FHIP1A: variants seen among roughly 807,000 people sequenced by gnomAD.
FHIP1A encodes the protein FHF complex subunit HOOK-interacting protein 1A.
In FHIP1A, 61 loss-of-function variants were observed where a neutral mutation model predicts 88.6. The observed-to-expected ratio is 0.69, with a 90% CI of 0.56 to 0.85. The LOEUF is 0.85. FHIP1A is among the 40% of genes least tolerant of loss of function. FHIP1A has a pLI of 0.00. For synonymous variants in FHIP1A, 478 were observed against 496.0 expected, an observed-to-expected ratio of 0.96 and a Z score of 0.48; for missense variants, 1,154 against 1,273.5, an observed-to-expected ratio of 0.91 and a Z score of 1.43.
At position 151,545,753 on chromosome 4, in the gene FHIP1A, C is replaced by G. The variant is rs552358862; in HGVS notation, c.-122-20385C>G. ...CCTTAACAAAGAACAAAGGATGTAACTAGTTGATTATAAGAATTATTTTGA... is the reference window on the plus strand; with the variant it reads ...CCTTAACAAAGAACAAAGGATGTAAGTAGTTGATTATAAGAATTATTTTGA... On this transcript the variant is annotated intron_variant, in intron 3 of 13. Transcript: ENST00000435205. Among the ~76,000 whole-genome samples, 10 of 152,040 alleles carry G rather than the reference C, an allele frequency of 6.6e-5. No individual in the cohort carries two copies. In the East Asian group the frequency reaches 1.7e-3, roughly 26 times the overall value.
At chr4:151,636,827 AC>A (rs1736374639) in intron 8 of FHIP1A, among the ~76,000 whole-genome samples, 1 of 152,068 alleles carries the variant, frequency 6.6e-6, no homozygotes, top group South Asian at 2.1e-4. Flanking sequence ...AGATAAGCTG[AC>A]TCTAAAATTC....
At chr4:151,632,859 A>C (rs1736208073) in intron 8 of FHIP1A, among the ~76,000 whole-genome samples, 1 of 152,024 alleles carries the variant, frequency 6.6e-6, no homozygotes, top group Non-Finnish European at 1.5e-5. Context: ...AGCTGTAAAC[A>C]CTTAGGTTAA....
At chr4:151,636,596 AAAG>A (rs1736364346) in intron 8 of FHIP1A, among the ~76,000 whole-genome samples, 1 of 152,064 alleles carries the variant, frequency 6.6e-6, no homozygotes, top group South Asian at 2.1e-4. Flanking sequence ...AATAACATCA[AAAG>A]AATAAAATAT....
chr4:151,649,889 C>T lies in FHIP1A; in HGVS notation c.1848C>T (p.His616=), dbSNP rs551502777. The T allele has an allele frequency of 6.4e-7, 1 of 1,551,636 alleles. No homozygotes were observed. The highest frequency in any genetic ancestry group is 2.4e-5 in the East Asian group (1 of 40,914). The part of the protein sequence containing the change: ...GPPAPIDPPK[H]IQEMKKNALL... The stretch of plus-strand genomic sequence containing the variant: ...CAGCACCCATTGATCCCCCCAAACA[C>T]ATCCAGGAGATGAAGAAGAATGCCC... The change falls in exon 11 of 14, where the codon CAC becomes CAT. Residue 616 remains histidine, a synonymous_variant. Coordinates refer to ENST00000435205, the MANE Select transcript of FHIP1A (RefSeq NM_001109977.3).
chr4:151,439,123 A>G (rs189114815), intron 1 of FHIP1A, among the ~76,000 whole-genome samples: 17 of 152,296 alleles, frequency 1.1e-4, no homozygotes, highest in African/African-American at 3.8e-4. Flanking sequence ...CCACATATAA[A>G]TATGTTTCAA....
intron 9 of FHIP1A, 139 bp from the exon 10 acceptor site, chr4:151,646,419 C>A: frequency 3.4e-6 from 2 of 592,570 alleles, no homozygotes; most frequent in Non-Finnish European, 6.0e-6. Flanking sequence ...ACCCTGGTGG[C>A]TGGTGAGATG....
At position 151,567,267 on chromosome 4, in the gene FHIP1A, T is replaced by G. The variant is rs138317400; in HGVS notation, c.105+903T>G. 8.7e-4 allele frequency among the ~76,000 whole-genome samples: 133 copies of G among 152,210 alleles called. 3 individuals carry two copies. In the Middle Eastern group the frequency reaches 0.02, roughly 23 times the overall value. On this transcript the variant is annotated intron_variant, in intron 4 of 13. Transcript: ENST00000435205. ...TGGTAAGTGGCTATTTATGTGACAG[T>G]TTTTTAATGACTACCCAGTTCCTTC...
rs1737575636 is a variant in FHIP1A at position 151,664,107 on chromosome 4, T to C, written c.*1353T>C. Among the ~76,000 whole-genome samples, 1 of 152,224 alleles carries C rather than the reference T, an allele frequency of 6.6e-6. No homozygotes were observed. The highest frequency in any genetic ancestry group is 2.4e-5 in the African/African-American group (1 of 41,452). ...CTCCCCTCTATTTTGGGCCCAGTTC[T>C]GCAGGTGCGAAGCAAGTAACGAGCT... is the stretch of plus-strand genomic sequence containing the variant. On this transcript the variant is annotated 3_prime_UTR_variant, in exon 14 of 14. Transcript: ENST00000435205.
chr4:151,508,282 G>T (rs116436230), intron 3 of FHIP1A, among the ~76,000 whole-genome samples: 106 of 152,302 alleles, frequency 7.0e-4, no homozygotes, highest in African/African-American at 2.4e-3. Context: ...ATCTGGGAAA[G>T]AACAAAGCAG....
intron 7 of FHIP1A, among the ~76,000 whole-genome samples, chr4:151,612,835 GA>G (rs1735377615): frequency 6.6e-6 from 1 of 152,184 alleles, no homozygotes. Context: ...TTTATTTAAT[GA>G]ATCTGCACAT....
At chr4:151,535,183 T>A (rs191271687) in intron 3 of FHIP1A, among the ~76,000 whole-genome samples, 1 of 152,264 alleles carries the variant, frequency 6.6e-6, no homozygotes, top group African/African-American at 2.4e-5. Context: ...GCCACTGCAC[T>A]CCAGCCTGGG....
At chr4:151,582,287 C>G (rs542107060) in intron 5 of FHIP1A, among the ~76,000 whole-genome samples, 230 of 152,222 alleles carry the variant, frequency 1.5e-3, no homozygotes, top group African/African-American at 5.4e-3. Context: ...TAAAATTAAC[C>G]AGATATCATT....
At chr4:151,533,333 T>C (rs184708870) in intron 3 of FHIP1A, among the ~76,000 whole-genome samples, 51 of 152,112 alleles carry the variant, frequency 3.4e-4, no homozygotes, top group Admixed American at 3.3e-3. Flanking sequence ...GAGGATTGCT[T>C]GAGTCCAGGA....
chr4:151,603,630 A>G (rs1168635745), intron 7 of FHIP1A, among the ~76,000 whole-genome samples: 1 of 152,112 alleles, frequency 6.6e-6, no homozygotes, highest in Non-Finnish European at 1.5e-5. Context: ...GCTTCCTCAA[A>G]CTTAAAATGT....
At chr4:151,438,551 A>G (rs1043816866) in intron 1 of FHIP1A, among the ~76,000 whole-genome samples, 3 of 151,670 alleles carry the variant, frequency 2.0e-5, no homozygotes, top group Non-Finnish European at 4.4e-5. Flanking sequence ...CTACCTCACC[A>G]GAATTATTTA....
In FHIP1A at chr4:151,511,371, G is replaced by A. The variant is rs112271132; in HGVS notation, c.-123+28723G>A. Among the ~76,000 whole-genome samples, 1,213 of 152,318 alleles carry A rather than the reference G, an allele frequency of 8.0e-3. 17 individuals are homozygous for A. The highest frequency in any genetic ancestry group is 0.064 in the East Asian group (334 of 5,188). On this transcript the variant is annotated intron_variant, in intron 3 of 13. Coordinates refer to ENST00000435205, the MANE Select transcript of FHIP1A (RefSeq NM_001109977.3). Reference sequence around the variant, plus strand: ...AGTGTGAGCGACGCAGAAGACGGGCGATTTCTGCATTTCCATCTGAGGTAC... The same window carrying A: ...AGTGTGAGCGACGCAGAAGACGGGCAATTTCTGCATTTCCATCTGAGGTAC...
intron 3 of FHIP1A, among the ~76,000 whole-genome samples, chr4:151,562,991 T>TA (rs1649184519): frequency 1.3e-5 from 2 of 152,288 alleles, no homozygotes; most frequent in South Asian, 4.1e-4. Flanking sequence ...CATCGTCAAA[T>TA]AAATATATTT....
Position 151,650,463 on chromosome 4 carries a change from G to A in FHIP1A, c.2422G>A (p.Glu808Lys). 6.4e-7 allele frequency: 1 copy of A among 1,551,632 alleles called. No homozygotes were observed. The highest frequency in any genetic ancestry group is 1.2e-5 in the South Asian group (1 of 84,060). ...GGGGAAGAAGGAGCTAGAAGATGAG[G>A]AGGATGACTTTGACTCTTTTATAGC... is the stretch of plus-strand genomic sequence containing the variant. ...KEGKKELEDEEDDFDSFIAEM... is the reference protein window; with the variant it reads ...KEGKKELEDEKDDFDSFIAEM... The change falls in exon 11 of 14, where the codon GAG (glutamate) becomes AAG (lysine). Residue 808 changes from glutamate (E) to lysine (K), a missense_variant. Glu to Lys is a moderately conservative substitution (Grantham distance 56, BLOSUM62 1). Transcript: ENST00000435205.
chr4:151,416,224 C>T (rs1732885704), intron 1 of FHIP1A, among the ~76,000 whole-genome samples: 1 of 152,132 alleles, frequency 6.6e-6, no homozygotes, highest in South Asian at 2.1e-4. Context: ...GGGAACATTT[C>T]AGGAATTCCT....
Sources: allele counts gnomAD v4.1 joint callset (sites outside exome capture counted in the v4.1 genomes callset), GRCh38; gene constraint gnomAD v4.1.1; transcripts MANE v1.5; gene names NCBI Gene and HGNC (gene_info 2026-07-23, HGNC 2026-07-21).